DNAH3: variants seen among roughly 807,000 people sequenced by gnomAD.
The protein encoded by DNAH3 is axonemal beta dynein heavy chain 3.
In DNAH3, 332 loss-of-function variants were observed where a neutral mutation model predicts 432.5. That is an observed-to-expected ratio of 0.77 (90% CI 0.70 to 0.84). DNAH3 has a LOEUF of 0.84. Among genes scored for constraint, DNAH3 ranks in the 40% least tolerant of loss-of-function variants. The pLI is 0.00. For missense variants in DNAH3, 4,861 were observed against 5,114.0 expected, an observed-to-expected ratio of 0.95 and a Z score of 1.51; for synonymous variants, 1,956 against 1,900.2, an observed-to-expected ratio of 1.03 and a Z score of -0.76.
intron 27 of DNAH3, 41 bp from the exon 28 acceptor site, chr16:21,054,575 T>C: frequency 6.9e-7 from 1 of 1,441,678 alleles, no homozygotes; most frequent in East Asian, 2.3e-5. Context: ...TACATTTGAC[T>C]CTCCTCTGGT....
In DNAH3 at chr16:21,097,484, C is replaced by G. The variant is rs769433464; in HGVS notation, c.2536G>C (p.Glu846Gln). 34 of 1,613,526 alleles carry G rather than the reference C, an allele frequency of 2.1e-5. No individual in the cohort carries two copies. The East Asian group carries it at 6.9e-4, about 33-fold the overall frequency. The change falls in exon 18 of 62, where the codon GAA becomes CAA. Residue 846 changes from glutamate (E) to glutamine (Q), a missense_variant. Glu to Gln is a conservative substitution (Grantham distance 29). Coordinates refer to ENST00000261383, the Ensembl canonical transcript of DNAH3. ...CTCTTCTCCTTTTCCAATAGCTCTT[C>G]CTCCTTATTGATCAACTGCAGGGCA...
At chr16:21,019,951 T>C in intron 40 of DNAH3, 82 bp from the exon 41 acceptor site, 1 of 1,542,564 alleles carries the variant, frequency 6.5e-7, no homozygotes, top group South Asian at 1.2e-5. Context: ...GCTTTGCCTT[T>C]GAAGGGTCTG....
At chr16:21,157,335 T>TA (rs2092905166) in intron 1 of DNAH3, among the ~76,000 whole-genome samples, 1 of 114,684 alleles carries the variant, frequency 8.7e-6, no homozygotes, top group Non-Finnish European at 1.8e-5. Flanking sequence ...TGTGATTGCT[T>TA]CTTTTTTTTT....
At chr16:20,997,333 A>T (rs2086805361) in exon 44 of DNAH3, 1 of 1,614,182 alleles carries the variant, frequency 6.2e-7, no homozygotes, top group African/African-American at 1.3e-5. Flanking sequence ...TGTCACGAGC[A>T]GCATGTCCAC....
chr16:21,104,312 G>C (rs908545020), intron 16 of DNAH3, 159 bp downstream of exon 16: 26 of 667,916 alleles, frequency 3.9e-5, no homozygotes, highest in Admixed American at 2.3e-4. Context: ...CCCTCAGTGG[G>C]AAACCAAAGG....
chr16:20,963,673 T>C, exon 53 of DNAH3: 2 of 1,614,032 alleles, frequency 1.2e-6, no homozygotes, highest in Non-Finnish European at 1.7e-6. Context: ...GTAGGGGTTA[T>C]CCAGTGCGAT....
At chr16:21,081,584 C>T (rs373544480) in intron 20 of DNAH3, 52 bp downstream of exon 20, 59 of 1,473,348 alleles carry the variant, frequency 4.0e-5, no homozygotes, top group Non-Finnish European at 5.2e-5. Context: ...ACTGTGGGAA[C>T]TTACAGATCC....
exon 53 of DNAH3, chr16:20,965,070 G>C (rs187219569): frequency 6.2e-7 from 1 of 1,613,960 alleles, no homozygotes; most frequent in Non-Finnish European, 8.5e-7. Context: ...CGTCATTCAG[G>C]GCCTGGAGCC....
At chr16:21,000,180 G>A (rs372086257) in intron 43 of DNAH3, 44 bp downstream of exon 43, 1 of 1,583,424 alleles carries the variant, frequency 6.3e-7, no homozygotes, top group Non-Finnish European at 8.6e-7. Context: ...TGCAGCTTAT[G>A]GTGGAAGAAT....
chr16:21,120,879 A>C, intron 10 of DNAH3: 2 of 1,552,184 alleles, frequency 1.3e-6, no homozygotes, highest in Non-Finnish European at 1.8e-6. Flanking sequence ...AGTCATCCAA[A>C]TTACAGGGTC....
At chr16:21,036,938 A>G in intron 34 of DNAH3, 90 bp from the exon 35 acceptor site, 1 of 1,062,484 alleles carries the variant, frequency 9.4e-7, no homozygotes, top group Non-Finnish European at 1.4e-6. Context: ...TATCAACAAC[A>G]GAGATCTTTG....
chr16:21,088,319 G>A (rs757565466), intron 18 of DNAH3, among the ~76,000 whole-genome samples: 1 of 152,100 alleles, frequency 6.6e-6, no homozygotes, highest in East Asian at 1.9e-4. Context: ...GAATTATCAC[G>A]GTGACTTTCC....
At chr16:21,149,098 G>A (rs1011161293) in intron 1 of DNAH3, among the ~76,000 whole-genome samples, 3 of 151,924 alleles carry the variant, frequency 2.0e-5, no homozygotes, top group African/African-American at 4.8e-5. Context: ...AGGCGGTGGC[G>A]CACACCTGTA....
At chr16:20,959,119 C>T in intron 54 of DNAH3, 60 bp downstream of exon 54, 2 of 1,556,722 alleles carry the variant, frequency 1.3e-6, no homozygotes, top group Non-Finnish European at 1.8e-6. Context: ...TCTTCCCAGC[C>T]ACCATCCTGA....
intron 5 of DNAH3, among the ~76,000 whole-genome samples, chr16:21,139,905 G>A (rs532469277): frequency 1.3e-3 from 188 of 149,506 alleles, no homozygotes; most frequent in Non-Finnish European, 2.3e-3. Context: ...TCAGCCTCCC[G>A]AGTAGCTGAA....
chr16:21,119,587 G>GA (rs916769605), intron 11 of DNAH3, among the ~76,000 whole-genome samples: 35 of 144,694 alleles, frequency 2.4e-4, no homozygotes, highest in Non-Finnish European at 3.3e-4. Context: ...GGCTCAAGCA[G>GA]AAAAAAAAAA....
At chr16:21,019,937 G>A in intron 40 of DNAH3, 68 bp from the exon 41 acceptor site, 1 of 1,571,736 alleles carries the variant, frequency 6.4e-7, no homozygotes, top group Non-Finnish European at 8.6e-7. Flanking sequence ...CTGTGAACTG[G>A]TTGGCTTTGC....
intron 9 of DNAH3, 64 bp from the exon 11 acceptor site, chr16:21,122,188 ATT>A: frequency 7.5e-7 from 1 of 1,329,362 alleles, no homozygotes; most frequent in Non-Finnish European, 1.0e-6. Context: ...AAGGGAGTGA[ATT>A]TTATACATTC....
chr16:20,971,951 A>G (rs2085361298), intron 51 of DNAH3, among the ~76,000 whole-genome samples: 1 of 152,258 alleles, frequency 6.6e-6, no homozygotes, highest in African/African-American at 2.4e-5. Context: ...GAAGAAACTG[A>G]AGCTAGGAAA....
Sources: allele counts gnomAD v4.1 joint callset (sites outside exome capture counted in the v4.1 genomes callset), GRCh38; gene constraint gnomAD v4.1.1; transcripts MANE v1.5; gene names NCBI Gene and HGNC (gene_info 2026-07-23, HGNC 2026-07-21).